Variants in SGMS1 observed in about 807,000 individuals in gnomAD.
The protein encoded by SGMS1 is sphingomyelin synthase 1.
SGMS1 carries 13 observed loss-of-function variants against 46.2 expected under a neutral mutation model. The observed-to-expected ratio is 0.28, with a 90% CI of 0.18 to 0.45. The LOEUF (loss-of-function observed/expected upper bound fraction) is 0.45, where lower values mean the gene tolerates loss of function less well. Among genes scored for constraint, SGMS1 ranks in the 20% least tolerant of loss-of-function variants. SGMS1 has a pLI of 1.00. For synonymous variants in SGMS1, 203 were observed against 187.8 expected (o/e 1.08, Z -0.66); for missense variants, 324 against 519.9 (o/e 0.62, Z 3.66).
chr10:50,479,830 T>A (rs4935703), intron 3 of SGMS1, among the ~76,000 whole-genome samples: 33,170 of 152,004 alleles, frequency 0.22, 3,610 homozygotes, highest in Admixed American at 0.25. Context: ...TGTATGGATA[T>A]TTCTCATAGA....
chr10:50,384,319 T>C (rs1848649888), intron 6 of SGMS1, among the ~76,000 whole-genome samples: 1 of 152,158 alleles, frequency 6.6e-6, no homozygotes, highest in Non-Finnish European at 1.5e-5. Flanking sequence ...AAAATGAAAA[T>C]AAATAATATC....
In SGMS1 at chr10:50,394,475, C is replaced by T. The variant is rs117315100; in HGVS notation, c.-232+39001G>A. ...ATTTGTCAAGCCTTGTTTAAGAGTCCCAGTTGGAGCACCCAGTTGGAAACC... is the reference window on the plus strand; with the variant it reads ...ATTTGTCAAGCCTTGTTTAAGAGTCTCAGTTGGAGCACCCAGTTGGAAACC... On this transcript the variant is annotated intron_variant, in intron 6 of 10. Coordinates refer to ENST00000361781, the MANE Select transcript of SGMS1 (RefSeq NM_147156.4). Among the ~76,000 whole-genome samples the T allele has an allele frequency of 4.5e-4, 69 of 152,212 alleles. No homozygotes were observed. The East Asian group carries it at 5.4e-3, about 12-fold the overall frequency.
chr10:50,372,943 A>G (rs1188979343), intron 6 of SGMS1, among the ~76,000 whole-genome samples: 1 of 78,616 alleles, frequency 1.3e-5, no homozygotes, highest in Non-Finnish European at 3.1e-5. Flanking sequence ...TCAATGCTAT[A>G]ATATAAAAAA....
chr10:50,386,598 G>A (rs1240460364), intron 6 of SGMS1, among the ~76,000 whole-genome samples: 1 of 152,126 alleles, frequency 6.6e-6, no homozygotes, highest in Admixed American at 6.5e-5. Context: ...GACAGATGGA[G>A]CTTCATGCTC....
chr10:50,588,040 A>G (rs2131887576), intron 2 of SGMS1, among the ~76,000 whole-genome samples: 1 of 152,182 alleles, frequency 6.6e-6, no homozygotes, highest in African/African-American at 2.4e-5. Flanking sequence ...TCATCCTTCA[A>G]AACCCCCTTT....
At chr10:50,468,515 A>C (rs1181069209) in intron 3 of SGMS1, among the ~76,000 whole-genome samples, 2 of 152,216 alleles carry the variant, frequency 1.3e-5, no homozygotes, top group Non-Finnish European at 2.9e-5. Context: ...TAAATTTCAT[A>C]AGGGATAATT....
At chr10:50,363,844 A>G (rs2133422582) in intron 6 of SGMS1, among the ~76,000 whole-genome samples, 1 of 152,302 alleles carries the variant, frequency 6.6e-6, no homozygotes, top group East Asian at 1.9e-4. Flanking sequence ...TGCCTACTTT[A>G]AAATATGAAA....
At chr10:50,350,395 T>C (rs1847988323) in intron 6 of SGMS1, among the ~76,000 whole-genome samples, 1 of 152,124 alleles carries the variant, frequency 6.6e-6, no homozygotes, top group Non-Finnish European at 1.5e-5. Flanking sequence ...GAAAAACACA[T>C]TTTCCTGGGA....
intron 2 of SGMS1, among the ~76,000 whole-genome samples, chr10:50,580,424 AC>A (rs113101457): frequency 1.6e-4 from 24 of 148,100 alleles, no homozygotes; most frequent in African/African-American, 4.7e-4. Context: ...CAAGTTAGGG[AC>A]CCCCCCCCAA....
intron 5 of SGMS1, among the ~76,000 whole-genome samples, chr10:50,457,649 A>G (rs1038835547): frequency 7.9e-5 from 12 of 152,174 alleles, no homozygotes; most frequent in Non-Finnish European, 2.9e-5. Flanking sequence ...ACCACGTATA[A>G]GTGAGAACGT....
intron 3 of SGMS1, among the ~76,000 whole-genome samples, chr10:50,505,189 C>T (rs1197719274): frequency 6.6e-6 from 1 of 152,104 alleles, no homozygotes; most frequent in African/African-American, 2.4e-5. Flanking sequence ...GCACTCCACC[C>T]TGGGCAACAG....
chr10:50,376,466 G>A (rs150069068), intron 6 of SGMS1, among the ~76,000 whole-genome samples: 2,280 of 152,156 alleles, frequency 0.015, 61 homozygotes, highest in African/African-American at 0.052. Flanking sequence ...AAGTTCTAGG[G>A]TACATGTGCA....
chr10:50,575,501 G>A (rs1838375972), intron 2 of SGMS1, among the ~76,000 whole-genome samples: 1 of 152,082 alleles, frequency 6.6e-6, no homozygotes, highest in African/African-American at 2.4e-5. Context: ...AGCTATGATG[G>A]TGCCACTGCA....
intron 6 of SGMS1, among the ~76,000 whole-genome samples, chr10:50,432,602 C>G (rs1402501318): frequency 6.6e-6 from 1 of 152,176 alleles, no homozygotes; most frequent in Non-Finnish European, 1.5e-5. Flanking sequence ...AGGTAAGGAA[C>G]TTGAGCTGGC....
chr10:50,509,458 C>T (rs919888947), intron 3 of SGMS1, among the ~76,000 whole-genome samples: 2 of 152,154 alleles, frequency 1.3e-5, no homozygotes, highest in African/African-American at 4.8e-5. Context: ...AATATACATA[C>T]ACATATATAT....
intron 1 of SGMS1, among the ~76,000 whole-genome samples, chr10:50,617,111 G>C (rs1284247981): frequency 6.6e-6 from 1 of 152,162 alleles, no homozygotes; most frequent in East Asian, 1.9e-4. Flanking sequence ...ATTGGTATCA[G>C]TATGTCGCAA....
chr10:50,549,213 T>A (rs972857102), intron 2 of SGMS1, among the ~76,000 whole-genome samples: 2 of 152,180 alleles, frequency 1.3e-5, no homozygotes, highest in African/African-American at 4.8e-5. Context: ...CAAAGGAATA[T>A]AAATCATTCT....
intron 5 of SGMS1, among the ~76,000 whole-genome samples, chr10:50,445,727 A>G (rs184118180): frequency 5.9e-5 from 9 of 152,306 alleles, no homozygotes; most frequent in Admixed American, 2.6e-4. Context: ...TTTAAACAAT[A>G]TGAAATCTGG....
chr10:50,596,207 G>C, intron 1 of SGMS1, among the ~76,000 whole-genome samples: 1 of 132,090 alleles, frequency 7.6e-6, no homozygotes, highest in Non-Finnish European at 1.6e-5. Flanking sequence ...ACAGAGTTTC[G>C]CTCTTGTTGC....
Sources: allele counts gnomAD v4.1 joint callset (sites outside exome capture counted in the v4.1 genomes callset), GRCh38; gene constraint gnomAD v4.1.1; transcripts MANE v1.5; gene names NCBI Gene and HGNC (gene_info 2026-07-23, HGNC 2026-07-21).